Variants in SLC30A8 observed in about 807,000 individuals in gnomAD.
SLC30A8 encodes proton-coupled zinc antiporter SLC30A8.
In SLC30A8, 27 loss-of-function variants were observed where a neutral mutation model predicts 36.9. The ratio of observed to expected loss-of-function variants is 0.73; its 90% confidence interval spans 0.54 to 1.01. SLC30A8 has a LOEUF of 1.01. SLC30A8 is among the 50% of genes least tolerant of loss of function. The pLI, the probability that SLC30A8 is intolerant of heterozygous loss-of-function variation, is 0.00. For missense variants in SLC30A8, 439 were observed against 452.0 expected, an observed-to-expected ratio of 0.97 and a Z score of 0.26; for synonymous variants, 164 against 172.4, an observed-to-expected ratio of 0.95 and a Z score of 0.38.
At chr8:117,013,919 T>C (rs1816427626) in intron 1 of SLC30A8, among the ~76,000 whole-genome samples, 1 of 152,194 alleles carries the variant, frequency 6.6e-6, no homozygotes, top group South Asian at 2.1e-4. Flanking sequence ...CATTTAAGGA[T>C]AAATTGTTAG....
intron 1 of SLC30A8, among the ~76,000 whole-genome samples, chr8:117,143,005 A>G (rs894960155): frequency 7.2e-5 from 11 of 152,166 alleles, no homozygotes; most frequent in African/African-American, 2.7e-4. Flanking sequence ...TCCCCTTCTA[A>G]CAGGAATAGT....
Position 117,147,066 on chromosome 8 carries a change from A to G in SLC30A8, c.184A>G (p.Lys62Glu). 5.0e-6 allele frequency: 8 copies of G among 1,614,082 alleles called. No individual in the cohort carries two copies. Among genetic ancestry groups the G allele is most frequent in the Non-Finnish European group, 6.8e-6 (8 of 1,179,980 alleles). ...CCACAGTGGCTCCAAGCCCACAGAA[A>G]AGGGGGCGAATGAGTACGCCTATGC... Reference protein sequence around the residue: ...HCHSGSKPTEKGANEYAYAKW... With the variant: ...HCHSGSKPTEEGANEYAYAKW... Residue 62 changes from lysine to glutamate, a missense_variant, in exon 2 of 8, where the codon AAG becomes GAG. Lys to Glu is a moderately conservative substitution (Grantham distance 56, BLOSUM62 1). Transcript: ENST00000456015.
chr8:116,956,214 A>G (rs552578278), intron 1 of SLC30A8, among the ~76,000 whole-genome samples: 8 of 152,354 alleles, frequency 5.3e-5, no homozygotes, highest in African/African-American at 1.9e-4. Context: ...AGATGATGAA[A>G]TAAAGTGTGC....
In SLC30A8 at chr8:117,147,014, G is replaced by T. The variant is rs143592691; in HGVS notation, c.132G>T (p.Glu44Asp). 7.2e-4 allele frequency: 1,162 copies of T among 1,614,070 alleles called. 1 individual carries two copies. The highest frequency in any genetic ancestry group is 9.5e-4 in the Non-Finnish European group (1,117 of 1,179,950). The change falls in exon 2 of 8, where the codon GAG (glutamate) becomes GAT (aspartate). Residue 44 changes from glutamate to aspartate, a missense_variant. Transcript: ENST00000456015. ...AGTGTCCCAGAGAGAGACCAGAGGA[G>T]CTGGAGTCAGGAGGCATGTACCACT... Reference protein sequence around the residue: ...KDQCPRERPEELESGGMYHCH... With the variant: ...KDQCPRERPEDLESGGMYHCH...
At chr8:116,993,190 A>G (rs902975831) in intron 1 of SLC30A8, among the ~76,000 whole-genome samples, 3 of 151,332 alleles carry the variant, frequency 2.0e-5, no homozygotes, top group East Asian at 1.9e-4. Flanking sequence ...AGCAAAGATT[A>G]TAGAAGCTCT....
intron 2 of SLC30A8, among the ~76,000 whole-genome samples, chr8:117,039,643 G>A (rs1039243536): frequency 4.6e-5 from 7 of 152,220 alleles, no homozygotes; most frequent in Admixed American, 1.3e-4. Flanking sequence ...ACATTGTTGA[G>A]GCCTTCACAA....
chr8:117,111,293 G>C (rs1366408161), intron 2 of SLC30A8, among the ~76,000 whole-genome samples: 1 of 152,170 alleles, frequency 6.6e-6, no homozygotes, highest in African/African-American at 2.4e-5. Flanking sequence ...GTCAAAAGTG[G>C]TGTTCAGGTT....
upstream of SLC30A8, among the ~76,000 whole-genome samples, chr8:117,131,154 T>C (rs1488600511): frequency 6.6e-6 from 1 of 151,976 alleles, no homozygotes; most frequent in Non-Finnish European, 1.5e-5. Context: ...TTTCGGTCCA[T>C]TTTCAAGCAG....
At chr8:117,119,400 A>G (rs1301228050) in intron 2 of SLC30A8, among the ~76,000 whole-genome samples, 1 of 151,934 alleles carries the variant, frequency 6.6e-6, no homozygotes, top group Non-Finnish European at 1.5e-5. Context: ...GAAAGGGGAA[A>G]GGAGACTGCT....
At chr8:117,080,663 A>T (rs1818646322) in intron 2 of SLC30A8, among the ~76,000 whole-genome samples, 1 of 152,144 alleles carries the variant, frequency 6.6e-6, no homozygotes, top group African/African-American at 2.4e-5. Context: ...AAAGAACATG[A>T]TTTCATTCTT....
chr8:116,957,306 T>G (rs1271028200), intron 1 of SLC30A8, among the ~76,000 whole-genome samples: 1 of 152,106 alleles, frequency 6.6e-6, no homozygotes, highest in Non-Finnish European at 1.5e-5. Context: ...AGATGAAGTC[T>G]CGCTATGTAG....
intron 2 of SLC30A8, among the ~76,000 whole-genome samples, chr8:117,092,473 A>T (rs1481856173): frequency 6.6e-6 from 1 of 152,008 alleles, no homozygotes; most frequent in Non-Finnish European, 1.5e-5. Context: ...TGTCTTTTGA[A>T]GGAGAGATTC....
intron 2 of SLC30A8, among the ~76,000 whole-genome samples, chr8:117,105,919 C>T (rs969822439): frequency 2.6e-5 from 4 of 152,200 alleles, no homozygotes; most frequent in African/African-American, 9.6e-5. Context: ...TTGCAGAGAG[C>T]AGAGCTATAC....
intron 1 of SLC30A8, among the ~76,000 whole-genome samples, chr8:116,968,943 G>A (rs1340936179): frequency 6.6e-6 from 1 of 151,930 alleles, no homozygotes; most frequent in East Asian, 2.0e-4. Context: ...CGCCATGTTG[G>A]CCAGGATGGT....
At chr8:117,083,844 A>G (rs909247672) in intron 2 of SLC30A8, among the ~76,000 whole-genome samples, 1 of 152,118 alleles carries the variant, frequency 6.6e-6, no homozygotes, top group Non-Finnish European at 1.5e-5. Flanking sequence ...CTAATGCCTA[A>G]CCTAACCTAT....
intron 7 of SLC30A8, 69 bp downstream of exon 7, chr8:117,171,237 C>A: frequency 1.3e-6 from 2 of 1,512,434 alleles, no homozygotes; most frequent in Non-Finnish European, 9.2e-7. Flanking sequence ...AATTTCCCTT[C>A]TTTTTGTAGA....
chr8:117,148,165 C>G (rs1821991434), intron 2 of SLC30A8, among the ~76,000 whole-genome samples: 1 of 151,978 alleles, frequency 6.6e-6, no homozygotes, highest in African/African-American at 2.4e-5. Flanking sequence ...TTACTACTCT[C>G]ACTATTTTAG....
At chr8:117,154,389 G>A (rs1441620731) in intron 3 of SLC30A8, among the ~76,000 whole-genome samples, 1 of 152,160 alleles carries the variant, frequency 6.6e-6, no homozygotes, top group African/African-American at 2.4e-5. Context: ...CACACTGGTT[G>A]AGAACATCCA....
intron 2 of SLC30A8, among the ~76,000 whole-genome samples, chr8:117,102,568 T>C (rs934366318): frequency 1.3e-5 from 2 of 152,194 alleles, no homozygotes; most frequent in Admixed American, 6.6e-5. Context: ...TTCTGGACTC[T>C]AGAAGTCTGA....
Sources: gnomAD v4.1 joint callset for allele counts (sites outside exome capture counted in the v4.1 genomes callset) on GRCh38, gnomAD v4.1.1 for gene constraint, MANE v1.5 for transcripts, NCBI Gene and HGNC (gene_info 2026-07-23, HGNC 2026-07-21) for gene names.